Variants in TNFRSF25 observed in about 807,000 individuals in gnomAD.
TNFRSF25 encodes the protein tumor necrosis factor receptor superfamily member 25.
TNFRSF25 carries 28 observed loss-of-function variants against 49.4 expected under a neutral mutation model. The observed-to-expected ratio is 0.57, with a 90% CI of 0.42 to 0.78. TNFRSF25 has a LOEUF of 0.78. TNFRSF25 is among the 30% of genes least tolerant of loss of function. TNFRSF25 has a pLI of 0.00. For missense variants in TNFRSF25, 531 were observed against 581.6 expected (o/e 0.91, Z 0.90); for synonymous variants, 240 against 234.2 (o/e 1.02, Z -0.23).
In TNFRSF25 at chr1:6,461,653, C is replaced by A. The variant is rs770301112; in HGVS notation, c.1035G>T (p.Arg345=). 1.9e-6 allele frequency: 3 copies of A among 1,603,724 alleles called. No individual in the cohort carries two copies. In the East Asian group the frequency reaches 6.7e-5, roughly 36 times the overall value. The change falls in exon 10 of 10, where the codon CGG becomes CGT. Residue 345 remains arginine (R), a synonymous_variant. Coordinates refer to ENST00000356876, the MANE Select transcript of TNFRSF25 (RefSeq NM_003790.3). The surrounding 1 kb of genome is among the most constrained non-coding windows in gnomAD (Gnocchi z 6.3). ...GCGTGCGCACGAACTCCTTCCAGCG[C>A]CGCGCTGGGACCGCGTCCATCACGT... ...LYDVMDAVPA[R]RWKEFVRTLG...
Position 6,461,131 on chromosome 1 carries a change from G to A in TNFRSF25, c.*303C>T. On this transcript the variant is annotated 3_prime_UTR_variant, in exon 10 of 10. Transcript: ENST00000356876. The surrounding 1 kb of genome is among the most constrained non-coding windows in gnomAD (Gnocchi z 6.3). ...CCAGTCCACTTAACACCCCAGCCCCGCAGAAACGCCAAGAAGCCGTTTTTG... is the reference window on the plus strand; with the variant it reads ...CCAGTCCACTTAACACCCCAGCCCCACAGAAACGCCAAGAAGCCGTTTTTG... The A allele has an allele frequency of 1.6e-6, 1 of 612,218 alleles. No homozygotes were observed. Among genetic ancestry groups the A allele is most frequent in the African/African-American group, 1.8e-5 (1 of 54,634 alleles). The allele number at this position is 612,218 out of a possible 1,614,324, so 37.9% of individuals were successfully genotyped here. A position where few individuals can be genotyped will look rare whatever the true frequency, so the allele number is the denominator to read the frequency against.
At chr1:6,463,182 C>A in intron 5 of TNFRSF25, 55 bp from the exon 6 acceptor site, 1 of 1,522,832 alleles carries the variant, frequency 6.6e-7, no homozygotes, top group Non-Finnish European at 8.9e-7. Context: ...AGGAGGGGCT[C>A]CCTAAGACTG....
chr1:6,461,970 C>CCT lies in TNFRSF25; in HGVS notation c.925+22_925+23dup. On this transcript the variant is annotated intron_variant, in intron 9 of 9. Coordinates refer to ENST00000356876, the MANE Select transcript of TNFRSF25 (RefSeq NM_003790.3). The surrounding 1 kb of genome is among the most constrained non-coding windows in gnomAD (Gnocchi z 6.3). Reference sequence around the variant, plus strand: ...CGCAGACAGGAGAATGGGGTCAAGGCCTCAGGCCACTGATGTCCCTTACCA... The same window carrying CCT: ...CGCAGACAGGAGAATGGGGTCAAGGCCTCTCAGGCCACTGATGTCCCTTACCA... The CCT allele has an allele frequency of 1.9e-6, 3 of 1,585,542 alleles. No individual in the cohort carries two copies. Among genetic ancestry groups the CCT allele is most frequent in the Non-Finnish European group, 2.6e-6 (3 of 1,168,308 alleles).
Position 6,461,244 on chromosome 1 carries a change from GACAT to G in TNFRSF25, c.*186_*189del, listed in dbSNP as rs1254889677. ...TTGAGAAATGTCTTCACCCCCTCTC[GACAT>G]TCGTTCGTGCTTCTTCGCCTTGGCT... On this transcript the variant is annotated 3_prime_UTR_variant, in exon 10 of 10. Coordinates refer to ENST00000356876, the MANE Select transcript of TNFRSF25 (RefSeq NM_003790.3). This position sits in a 1 kb window ranked among gnomAD's most constrained non-coding sequence, Gnocchi z 6.3. 3.9e-6 allele frequency: 3 copies of G among 769,362 alleles called. No homozygotes were observed. The highest frequency in any genetic ancestry group is 6.9e-6 in the Non-Finnish European group (3 of 433,904). 47.7% of individuals were successfully genotyped at this position (769,362 alleles called of 1,614,324 possible).
In TNFRSF25 at chr1:6,464,539, T is replaced by G. The variant is rs753962251; in HGVS notation, c.463+13A>C. The G allele has an allele frequency of 6.2e-7, 1 of 1,613,642 alleles. No individual in the cohort carries two copies. The highest frequency in any genetic ancestry group is 1.3e-5 in the African/African-American group (1 of 74,948). On this transcript the variant is annotated intron_variant, in intron 4 of 9. Transcript: ENST00000356876. ...GGGTCTGGGAGTAGAGAGCCCTGGGTGGGGGTACTCACAGAGTAGCCGTGT... is the reference window on the plus strand; with the variant it reads ...GGGTCTGGGAGTAGAGAGCCCTGGGGGGGGGTACTCACAGAGTAGCCGTGT...
chr1:6,462,058 C>T lies in TNFRSF25; in HGVS notation c.861G>A (p.Glu287=). ...VGNSWTPGYP[E]TQEALCPQVT... ...CCTGCGGGCAGAGCGCCTCCTGGGT[C>T]TCGGGGTAGCCAGGGGTCCAGCTGT... The change falls in exon 9 of 10, where the codon GAG becomes GAA. Residue 287 remains glutamate (E), a synonymous_variant. Transcript: ENST00000356876. The surrounding 1 kb of genome is among the most constrained non-coding windows in gnomAD (Gnocchi z 4.2). The T allele has an allele frequency of 6.2e-7, 1 of 1,613,754 alleles. No homozygotes were observed. Among genetic ancestry groups the T allele is most frequent in the Non-Finnish European group, 8.5e-7 (1 of 1,179,968 alleles).
In TNFRSF25 at chr1:6,461,247, A is replaced by G; in HGVS notation, c.*187T>C. 1 of 777,656 alleles carries G rather than the reference A, an allele frequency of 1.3e-6. No individual in the cohort carries two copies. The allele number at this position is 777,656 out of a possible 1,614,324, so 48.2% of individuals were successfully genotyped here. ...AGAAATGTCTTCACCCCCTCTCGAC[A>G]TTCGTTCGTGCTTCTTCGCCTTGGC... On this transcript the variant is annotated 3_prime_UTR_variant, in exon 10 of 10. Transcript: ENST00000356876. The surrounding 1 kb of genome is among the most constrained non-coding windows in gnomAD (Gnocchi z 6.3).
Position 6,461,781 on chromosome 1 carries a change from G to A in TNFRSF25, c.926-19C>T. ...GCGGGGCCTGGGGCAGGGCCAGAGA[G>A]AGCCAATTGGGGTACGTGGGCCGCG... On this transcript the variant is annotated intron_variant, in intron 9 of 9. Transcript: ENST00000356876. This position sits in a 1 kb window ranked among gnomAD's most constrained non-coding sequence, Gnocchi z 6.3. 2 of 1,497,600 alleles carry A rather than the reference G, an allele frequency of 1.3e-6. No individual in the cohort carries two copies. Among genetic ancestry groups the A allele is most frequent in the Non-Finnish European group, 1.8e-6 (2 of 1,124,558 alleles). The allele number at this position is 1,497,600 out of a possible 1,614,324, so 92.8% of individuals were successfully genotyped here. A position where few individuals can be genotyped will look rare whatever the true frequency, so the allele number is the denominator to read the frequency against.
At chr1:6,465,717 A>T in intron 1 of TNFRSF25, 157 bp from the exon 2 acceptor site, 1 of 1,435,058 alleles carries the variant, frequency 7.0e-7, no homozygotes, top group South Asian at 1.5e-5. Flanking sequence ...AGAGGAAACT[A>T]ACTTCCTTCC....
Position 6,461,679 on chromosome 1 carries a change from C to G in TNFRSF25, c.1009G>C (p.Asp337His). 1.3e-6 allele frequency: 2 copies of G among 1,587,954 alleles called. No individual in the cohort carries two copies. The highest frequency in any genetic ancestry group is 1.7e-6 in the Non-Finnish European group (2 of 1,172,768). ...CGCGCTGGGACCGCGTCCATCACGTCGTAGAGCTGCGGGCCCGGCTGCAGC... is the reference window on the plus strand; with the variant it reads ...CGCGCTGGGACCGCGTCCATCACGTGGTAGAGCTGCGGGCCCGGCTGCAGC... Reference protein sequence around the residue: ...MMLQPGPQLYDVMDAVPARRW... With the variant: ...MMLQPGPQLYHVMDAVPARRW... Residue 337 changes from aspartate to histidine, a missense_variant, in exon 10 of 10, where the codon GAC (aspartate) becomes CAC (histidine). By Grantham distance (81) the Asp-to-His change is moderately conservative. Coordinates refer to ENST00000356876, the MANE Select transcript of TNFRSF25 (RefSeq NM_003790.3). The surrounding 1 kb of genome is among the most constrained non-coding windows in gnomAD (Gnocchi z 6.3).
chr1:6,464,088 G>A (rs766471477), intron 5 of TNFRSF25: 19 of 1,287,596 alleles, frequency 1.5e-5, no homozygotes, highest in Non-Finnish European at 1.9e-5. Context: ...ATATCAATGT[G>A]ACTCTCTGTG....
chr1:6,465,538 C>G lies in TNFRSF25; in HGVS notation c.62G>C (p.Gly21Ala). 3 of 1,613,374 alleles carry G rather than the reference C, an allele frequency of 1.9e-6. No individual in the cohort carries two copies. Among genetic ancestry groups the G allele is most frequent in the Non-Finnish European group, 2.5e-6 (3 of 1,179,876 alleles). Reference sequence around the variant, plus strand: ...ACGAGTGCCGCCCTGGGCCCGGGCCCCCAGCAGCACCAGGAGGAGCGCCTG... The same window carrying G: ...ACGAGTGCCGCCCTGGGCCCGGGCCGCCAGCAGCACCAGGAGGAGCGCCTG... ...VAAALLLVLL[G>A]ARAQGGTRSP... Residue 21 changes from glycine to alanine, a missense_variant, in exon 2 of 10, where the codon GGG becomes GCG. Coordinates refer to ENST00000356876, the MANE Select transcript of TNFRSF25 (RefSeq NM_003790.3).
At position 6,464,642 on chromosome 1, in the gene TNFRSF25, A is replaced by G. The variant is rs529825240; in HGVS notation, c.373T>C (p.Cys125Arg). ...CTGCTGACACATTGGCTGACCTGGC[A>G]CTCCACAAACCAGCCTGGCTTACAG... The part of the protein sequence containing the change: ...CGCKPGWFVE[C>R]QVSQCVSSSP... Residue 125 changes from cysteine to arginine, a missense_variant, in exon 4 of 10, where the codon TGC becomes CGC. Coordinates refer to ENST00000356876, the MANE Select transcript of TNFRSF25 (RefSeq NM_003790.3). 1 of 1,613,934 alleles carries G rather than the reference A, an allele frequency of 6.2e-7. No individual in the cohort carries two copies. Among genetic ancestry groups the G allele is most frequent in the East Asian group, 2.2e-5 (1 of 44,870 alleles).
Position 6,461,153 on chromosome 1 carries a change from T to G in TNFRSF25, c.*281A>C. The G allele has an allele frequency of 2.0e-5, 13 of 644,134 alleles. No individual in the cohort carries two copies. Among genetic ancestry groups the G allele is most frequent in the East Asian group, 6.6e-5 (2 of 30,354 alleles). The allele number at this position is 644,134 out of a possible 1,614,324, so 39.9% of individuals were successfully genotyped here. ...CCCGCAGAAACGCCAAGAAGCCGTTTTTGTTTTGTTTTGTTTTCTTTCACA... is the reference window on the plus strand; with the variant it reads ...CCCGCAGAAACGCCAAGAAGCCGTTGTTGTTTTGTTTTGTTTTCTTTCACA... On this transcript the variant is annotated 3_prime_UTR_variant, in exon 10 of 10. Transcript: ENST00000356876. This position sits in a 1 kb window ranked among gnomAD's most constrained non-coding sequence, Gnocchi z 6.3.
intron 3 of TNFRSF25, 114 bp from the exon 4 acceptor site, chr1:6,464,833 A>G: frequency 7.4e-7 from 1 of 1,343,096 alleles, no homozygotes; most frequent in Non-Finnish European, 1.0e-6. Flanking sequence ...CGAAAGACAG[A>G]CAGGTACAGG....
At chr1:6,465,752 A>AG in intron 1 of TNFRSF25, 192 bp from the exon 2 acceptor site, 7 of 1,428,158 alleles carry the variant, frequency 4.9e-6, no homozygotes, top group Non-Finnish European at 6.4e-6. Context: ...CAGGCTTCGG[A>AG]GGGGGCGCTT....
chr1:6,462,875 GC>G lies in TNFRSF25; in HGVS notation c.693del (p.Lys231AsnfsTer14), dbSNP rs1268093363. 6.2e-7 allele frequency: 1 copy of G among 1,608,050 alleles called. No homozygotes were observed. Among genetic ancestry groups the G allele is most frequent in the Non-Finnish European group, 8.5e-7 (1 of 1,177,276 alleles). ...TYTYRHCWPH[K>X]PLVTADEAGM... is the part of the protein sequence containing the mutation. ...TGTGTGTACTTACCAGTAACCAGGG[GC>G]TTGTGAGGCCAGCAGTGGCGGTATG... On this transcript the variant is annotated frameshift_variant, in exon 7 of 10. Transcript: ENST00000356876. LOFTEE classifies it high-confidence loss of function. This position sits in a 1 kb window ranked among gnomAD's most constrained non-coding sequence, Gnocchi z 4.2.
Position 6,460,875 on chromosome 1 carries a change from C to T in TNFRSF25, c.*559G>A, listed in dbSNP as rs963869571. ...ACCCTGTGTCTCCAACTGCTGCACC[C>T]CATCCCGACCCTGTCTCCGCCACCT... On this transcript the variant is annotated 3_prime_UTR_variant, in exon 10 of 10. Coordinates refer to ENST00000356876, the MANE Select transcript of TNFRSF25 (RefSeq NM_003790.3). 3.0e-6 allele frequency: 1 copy of T among 327,902 alleles called. No individual in the cohort carries two copies. The highest frequency in any genetic ancestry group is 2.2e-5 in the African/African-American group (1 of 45,362). The allele number at this position is 327,902 out of a possible 1,614,324, so 20.3% of individuals were successfully genotyped here. A position where few individuals can be genotyped will look rare whatever the true frequency, so the allele number is the denominator to read the frequency against.
chr1:6,463,157 G>A, intron 5 of TNFRSF25, 30 bp from the exon 6 acceptor site: 3 of 1,548,760 alleles, frequency 1.9e-6, no homozygotes, highest in Non-Finnish European at 2.6e-6. Context: ...CCTGAGGGAT[G>A]AGGGGGTGCA....
Sources: gnomAD v4.1 joint callset for allele counts on GRCh38, gnomAD v4.1.1 for gene constraint, Gnocchi (gnomAD v3.1) non-coding constraint, MANE v1.5 for transcripts, NCBI Gene and HGNC (gene_info 2026-07-23, HGNC 2026-07-21) for gene names.